Variants in HPS4 observed in about 807,000 individuals in gnomAD.
The protein encoded by HPS4 is BLOC-3 complex member HPS4.
A neutral mutation model predicts 70.3 loss-of-function variants in HPS4; 44 were observed. That is an observed-to-expected ratio of 0.63 (90% confidence interval 0.49 to 0.80). The LOEUF (loss-of-function observed/expected upper bound fraction) is 0.80. Among genes scored for constraint, HPS4 ranks in the 30% least tolerant of loss-of-function variants. The probability of loss-of-function intolerance (pLI) is 0.00; values close to 1 mark genes in which losing one functional copy is unlikely to be tolerated. For missense variants in HPS4, 873 were observed against 884.4 expected (o/e 0.99, Z 0.16); for synonymous variants, 377 against 355.9 (o/e 1.06, Z -0.67).
intron 6 of HPS4, 157 bp from the exon 7 acceptor site, chr22:26,470,970 G>C (rs781538285): frequency 2.7e-6 from 4 of 1,478,866 alleles, no homozygotes; most frequent in Non-Finnish European, 2.8e-6. Flanking sequence ...CCATGGCTTG[G>C]GACTATTCTA....
At position 26,465,565 on chromosome 22, in the gene HPS4, G is replaced by A. The variant is rs2088386390; in HGVS notation, c.707-14C>T. 6.2e-7 allele frequency: 1 copy of A among 1,607,870 alleles called. No homozygotes were observed. On this transcript the variant is annotated splice_polypyrimidine_tract_variant and intron_variant, in intron 9 of 13. Transcript: ENST00000398145. ...GCAATGCCGCTCCTGGAATTGCAAA[G>A]CAATATGAACAGGACTTTCCCCTGA... is the stretch of plus-strand genomic sequence containing the variant.
chr22:26,481,370 T>C (rs989353635), intron 2 of HPS4, among the ~76,000 whole-genome samples: 1 of 152,044 alleles, frequency 6.6e-6, no homozygotes, highest in Non-Finnish European at 1.5e-5. Context: ...TGGCCAGACC[T>C]CTCCTCATGC....
At chr22:26,477,381 CCCTA>C (rs1253298453) in intron 3 of HPS4, among the ~76,000 whole-genome samples, 2 of 152,132 alleles carry the variant, frequency 1.3e-5, no homozygotes, top group Non-Finnish European at 2.9e-5. Context: ...GTTTGCCAAC[CCCTA>C]CCTGAGATGA....
intron 4 of HPS4, among the ~76,000 whole-genome samples, chr22:26,473,279 C>G (rs768610762): frequency 6.6e-6 from 1 of 152,178 alleles, no homozygotes; most frequent in Non-Finnish European, 1.5e-5. Flanking sequence ...CTGACCCTTG[C>G]ATTGTTAGGA....
Position 26,465,511 on chromosome 22 carries a change from A to G in HPS4, c.747T>C (p.Phe249=). ...GACTAATGGCTTCCTCTTTGGTCAC[A>G]AAAACAGGGATAATCTGGACATTCG... ...LPPNVQIIPV[F]VTKEEAISLH... Residue 249 remains phenylalanine, a synonymous_variant, in exon 10 of 14, where the codon TTT becomes TTC. Transcript: ENST00000398145. The G allele has an allele frequency of 6.2e-7, 1 of 1,613,904 alleles. No individual in the cohort carries two copies. Among genetic ancestry groups the G allele is most frequent in the South Asian group, 1.1e-5 (1 of 91,076 alleles).
At chr22:26,477,998 A>C (rs996491377) in intron 3 of HPS4, among the ~76,000 whole-genome samples, 1 of 152,238 alleles carries the variant, frequency 6.6e-6, no homozygotes, top group Non-Finnish European at 1.5e-5. Flanking sequence ...AAAGAAAAAG[A>C]AATGGAAGGA....
intron 5 of HPS4, 59 bp downstream of exon 5, chr22:26,472,773 G>T: frequency 8.1e-7 from 1 of 1,231,472 alleles, no homozygotes; most frequent in Non-Finnish European, 1.2e-6. Flanking sequence ...GCTGCATTCT[G>T]GCAATACCGG....
chr22:26,467,470 T>G (rs2088876077), intron 8 of HPS4: 1 of 152,248 alleles, frequency 6.6e-6, no homozygotes, highest in Non-Finnish European at 1.5e-5. Context: ...GTTTTGAGTA[T>G]AAATTTTTTT....
chr22:26,477,860 T>G (rs2090764998), intron 3 of HPS4, among the ~76,000 whole-genome samples: 1 of 152,214 alleles, frequency 6.6e-6, no homozygotes, highest in Non-Finnish European at 1.5e-5. Context: ...CCTGGTTTCT[T>G]CAATAATTCA....
chr22:26,461,282 T>C (rs1370736307), intron 11 of HPS4, among the ~76,000 whole-genome samples: 1 of 152,246 alleles, frequency 6.6e-6, no homozygotes, highest in Non-Finnish European at 1.5e-5. Context: ...TCATGTACTG[T>C]ACACAGAAGC....
chr22:26,471,473 A>G (rs1442809221), intron 6 of HPS4: 1 of 448,174 alleles, frequency 2.2e-6, no homozygotes, highest in African/African-American at 2.0e-5. Context: ...CCTGCCAGCT[A>G]GAACCAGCAA....
intron 13 of HPS4, among the ~76,000 whole-genome samples, chr22:26,456,010 G>A (rs895790240): frequency 2.0e-5 from 3 of 152,184 alleles, no homozygotes; most frequent in African/African-American, 7.2e-5. Flanking sequence ...TGCCAGCCTG[G>A]GGCAGCTGTG....
rs141992750 is a variant in HPS4, at chr22:26,451,017, C to A, written c.*2216G>T. Among the ~76,000 whole-genome samples, 1 of 152,316 alleles carries A rather than the reference C, an allele frequency of 6.6e-6. No individual in the cohort carries two copies. Among genetic ancestry groups the A allele is most frequent in the East Asian group, 1.9e-4 (1 of 5,188 alleles). On this transcript the variant is annotated 3_prime_UTR_variant, in exon 14 of 14. Coordinates refer to ENST00000398145, the MANE Select transcript of HPS4 (RefSeq NM_022081.6). ...TGGCAGATGGCTGGCACAGAGGAAGCCAAAACAGAGGCTTTTCTGCCCTGA... is the reference window on the plus strand; with the variant it reads ...TGGCAGATGGCTGGCACAGAGGAAGACAAAACAGAGGCTTTTCTGCCCTGA...
intron 1 of HPS4, 52 bp from the exon 2 acceptor site, chr22:26,482,292 G>A (rs180733860): frequency 6.8e-5 from 11 of 162,534 alleles, no homozygotes; most frequent in Non-Finnish European, 1.2e-4. Flanking sequence ...GAGAGCATGT[G>A]ACCCAGCAGG....
downstream of HPS4, among the ~76,000 whole-genome samples, chr22:26,450,797 G>C (rs1601737615): frequency 6.6e-6 from 1 of 152,234 alleles, no homozygotes. Context: ...ATGTGAAGAA[G>C]GATGTGTTTG....
intron 9 of HPS4, chr22:26,465,923 C>A: frequency 1.3e-6 from 1 of 748,296 alleles, no homozygotes; most frequent in Admixed American, 2.4e-5. Context: ...GTCTTTCTGG[C>A]AGTCGCTGTT....
chr22:26,480,381 C>T (rs1017351830), intron 2 of HPS4, among the ~76,000 whole-genome samples: 1 of 152,012 alleles, frequency 6.6e-6, no homozygotes, highest in Non-Finnish European at 1.5e-5. Flanking sequence ...ACTATATTGC[C>T]CAGGCTGGTC....
At position 26,453,200 on chromosome 22, in the gene HPS4, T is replaced by C. The variant is rs1269088162; in HGVS notation, c.*33A>G. 2 of 1,608,982 alleles carry C rather than the reference T, an allele frequency of 1.2e-6. No homozygotes were observed. The highest frequency in any genetic ancestry group is 1.7e-6 in the Non-Finnish European group (2 of 1,175,832). On this transcript the variant is annotated 3_prime_UTR_variant, in exon 14 of 14. Transcript: ENST00000398145. ...TAAAAGGCAGAGCTTCCTTTGCTGG[T>C]TTTCTCCTTCCCAGTCACCTCCTGG...
rs780292541 is a variant in HPS4 at position 26,472,781 on chromosome 22, C to T, written c.384+51G>A. On this transcript the variant is annotated intron_variant, in intron 5 of 13. Coordinates refer to ENST00000398145, the MANE Select transcript of HPS4 (RefSeq NM_022081.6). ...AGTAAGTGCTGCATTCTGGCAATAC[C>T]GGTTTTTATAAAGAGGCCCAATGTA... 26 of 1,321,536 alleles carry T rather than the reference C, an allele frequency of 2.0e-5. No homozygotes were observed. In the Admixed American group the frequency reaches 2.3e-4, roughly 12 times the overall value. 81.9% of individuals were successfully genotyped at this position (1,321,536 alleles called of 1,614,324 possible).
Sources: allele counts gnomAD v4.1 joint callset (sites outside exome capture counted in the v4.1 genomes callset), GRCh38; gene constraint gnomAD v4.1.1; transcripts MANE v1.5; gene names NCBI Gene and HGNC (gene_info 2026-07-23, HGNC 2026-07-21).